The following EXOC6 variants were observed in gnomAD, a reference collection of about 807,000 sequenced individuals.
EXOC6 encodes the protein exocyst complex component 6.
A neutral mutation model predicts 112.5 loss-of-function variants in EXOC6; 60 were observed. The ratio of observed to expected loss-of-function variants is 0.53; its 90% CI spans 0.43 to 0.66. The LOEUF is 0.66. Among genes scored for constraint, EXOC6 ranks in the 30% least tolerant of loss-of-function variants. The pLI is 0.00. For synonymous variants in EXOC6, 295 were observed against 308.0 expected (o/e 0.96, Z 0.44); for missense variants, 855 against 957.1 (o/e 0.89, Z 1.41).
At chr10:92,934,867 A>T (rs1444753338) in intron 11 of EXOC6, among the ~76,000 whole-genome samples, 3 of 152,130 alleles carry the variant, frequency 2.0e-5, no homozygotes, top group African/African-American at 7.2e-5. Flanking sequence ...GATTTTCAAA[A>T]TTTGAAATAT....
intron 13 of EXOC6, among the ~76,000 whole-genome samples, chr10:92,944,423 G>A (rs994835251): frequency 5.3e-5 from 8 of 151,896 alleles, no homozygotes; most frequent in African/African-American, 1.9e-4. Flanking sequence ...TTTTAGTAGA[G>A]ACAGGGTTTC....
intron 20 of EXOC6, among the ~76,000 whole-genome samples, chr10:93,022,862 C>G (rs1425360871): frequency 6.6e-6 from 1 of 151,572 alleles, no homozygotes; most frequent in African/African-American, 2.4e-5. Context: ...CTTTTATGTT[C>G]CTTACTTCAT....
At chr10:92,952,895 C>G (rs1048242826) in intron 15 of EXOC6, among the ~76,000 whole-genome samples, 1 of 152,010 alleles carries the variant, frequency 6.6e-6, no homozygotes, top group Non-Finnish European at 1.5e-5. Context: ...TGGGTAGAGG[C>G]CAGGGGTGCT....
At chr10:93,034,527 A>G (rs1451632092) in intron 20 of EXOC6, among the ~76,000 whole-genome samples, 1 of 152,232 alleles carries the variant, frequency 6.6e-6, no homozygotes, top group Non-Finnish European at 1.5e-5. Flanking sequence ...ATTTGACTCA[A>G]AATGAACAAC....
intron 20 of EXOC6, among the ~76,000 whole-genome samples, chr10:93,055,713 A>T (rs1018835795): frequency 1.1e-5 from 1 of 94,042 alleles, no homozygotes; most frequent in Admixed American, 1.1e-4. Context: ...AACTGTTGGT[A>T]TGGCCCAGAA....
intron 1 of EXOC6, among the ~76,000 whole-genome samples, chr10:92,839,005 G>A (rs139421321): frequency 0.032 from 4,906 of 152,066 alleles, 114 homozygotes; most frequent in Non-Finnish European, 0.048. Flanking sequence ...CCTGGGAGGC[G>A]GAGGTTGCTG....
intron 20 of EXOC6, among the ~76,000 whole-genome samples, chr10:93,028,039 G>T (rs1389018307): frequency 1.3e-5 from 2 of 152,182 alleles, no homozygotes; most frequent in Non-Finnish European, 2.9e-5. Flanking sequence ...GCTCACCCCT[G>T]TAATCCCGAC....
intron 20 of EXOC6, among the ~76,000 whole-genome samples, chr10:93,038,954 G>A (rs1054018993): frequency 2.0e-5 from 3 of 152,040 alleles, no homozygotes; most frequent in African/African-American, 7.2e-5. Context: ...AGAACTCAAC[G>A]CTGCCAACAC....
At chr10:92,965,113 G>T (rs1416709241) in intron 17 of EXOC6, among the ~76,000 whole-genome samples, 4 of 152,168 alleles carry the variant, frequency 2.6e-5, no homozygotes, top group African/African-American at 9.7e-5. Flanking sequence ...GGGGCAGGGT[G>T]ATTTTCCAAA....
intron 1 of EXOC6, among the ~76,000 whole-genome samples, chr10:92,868,231 G>A (rs1004518686): frequency 2.6e-5 from 4 of 152,038 alleles, no homozygotes; most frequent in Admixed American, 1.3e-4. Flanking sequence ...GATTCTGTTT[G>A]CATTTTCCTG....
chr10:93,052,473 G>A (rs527388990), intron 20 of EXOC6, among the ~76,000 whole-genome samples: 1 of 152,184 alleles, frequency 6.6e-6, no homozygotes, highest in Non-Finnish European at 1.5e-5. Context: ...GACACACACA[G>A]GGAATGCTGA....
intron 12 of EXOC6, among the ~76,000 whole-genome samples, chr10:92,937,614 G>C (rs191161314): frequency 3.9e-5 from 6 of 152,186 alleles, no homozygotes; most frequent in Admixed American, 3.9e-4. Flanking sequence ...AGCGGGATAA[G>C]GTGGGATTTT....
At chr10:92,898,555 G>A (rs1849962872) in intron 4 of EXOC6, among the ~76,000 whole-genome samples, 1 of 152,094 alleles carries the variant, frequency 6.6e-6, no homozygotes, top group Non-Finnish European at 1.5e-5. Context: ...AAATTTACAT[G>A]AATTGTTAAG....
At chr10:92,961,002 C>CTG (rs35987697) in intron 17 of EXOC6, among the ~76,000 whole-genome samples, 1,626 of 152,118 alleles carry the variant, frequency 0.011, 34 homozygotes, top group African/African-American at 0.037. Flanking sequence ...TGACCTTTGA[C>CTG]AGATGTTATG....
chr10:92,975,089 C>T (rs1842460543), intron 18 of EXOC6, among the ~76,000 whole-genome samples: 1 of 151,766 alleles, frequency 6.6e-6, no homozygotes, highest in South Asian at 2.1e-4. Flanking sequence ...AGGAGCGTCT[C>T]TGCCCGGCCA....
chr10:93,047,481 A>C (rs1846050242), intron 20 of EXOC6, among the ~76,000 whole-genome samples: 1 of 152,116 alleles, frequency 6.6e-6, no homozygotes, highest in African/African-American at 2.4e-5. Context: ...GGTTGCAGTG[A>C]GGTGAGATTG....
chr10:92,853,138 T>G lies in EXOC6; in HGVS notation c.101+4504T>G, dbSNP rs530189102. ...TCAGAAATTGAAATTTAAAATTTGATGGTATCAAAAATATGAAATACTCAG... is the reference window on the plus strand; with the variant it reads ...TCAGAAATTGAAATTTAAAATTTGAGGGTATCAAAAATATGAAATACTCAG... On this transcript the variant is annotated intron_variant, in intron 1 of 21. Coordinates refer to ENST00000260762, the MANE Select transcript of EXOC6 (RefSeq NM_019053.6). Among the ~76,000 whole-genome samples, 3 of 152,298 alleles carry G rather than the reference T, an allele frequency of 2.0e-5. No individual in the cohort carries two copies. In the South Asian group the frequency reaches 6.2e-4, roughly 32 times the overall value.
At chr10:92,978,695 T>A (rs1462690197) in intron 18 of EXOC6, among the ~76,000 whole-genome samples, 1 of 152,230 alleles carries the variant, frequency 6.6e-6, no homozygotes, top group African/African-American at 2.4e-5. Flanking sequence ...TTTATTTAAA[T>A]GTTTTAAGTT....
intron 20 of EXOC6, among the ~76,000 whole-genome samples, chr10:93,043,056 C>T (rs1481853049): frequency 6.6e-6 from 1 of 152,034 alleles, no homozygotes; most frequent in Non-Finnish European, 1.5e-5. Flanking sequence ...CTGCCTCAGC[C>T]TCCTGAGTAG....
Sources: gnomAD v4.1 joint callset for allele counts (sites outside exome capture counted in the v4.1 genomes callset) on GRCh38, gnomAD v4.1.1 for gene constraint, MANE v1.5 for transcripts, NCBI Gene and HGNC (gene_info 2026-07-23, HGNC 2026-07-21) for gene names.